The following CCDC7 variants were observed in gnomAD, a reference collection of about 807,000 sequenced individuals.
CCDC7 encodes coiled-coil domain-containing protein 7.
CCDC7 carries 183 observed loss-of-function variants against 196.9 expected under a neutral mutation model. That is an observed-to-expected ratio of 0.93 (90% CI 0.82 to 1.05). The LOEUF (loss-of-function observed/expected upper bound fraction) is 1.05, where lower values mean the gene tolerates loss of function less well. Among genes scored for constraint, CCDC7 ranks in the 50% least tolerant of loss-of-function variants. The pLI, the probability that CCDC7 is intolerant of heterozygous loss-of-function variation, is 0.00. For synonymous variants in CCDC7, 525 were observed against 484.6 expected (o/e 1.08, Z -1.10); for missense variants, 1,540 against 1,482.2 (o/e 1.04, Z -0.64).
chr10:32,456,689 A>G (rs940310053), intron 3 of CCDC7, among the ~76,000 whole-genome samples: 1 of 152,190 alleles, frequency 6.6e-6, no homozygotes, highest in African/African-American at 2.4e-5. Context: ...TGTGGCAATC[A>G]GCATCAAAGA....
intron 30 of CCDC7, among the ~76,000 whole-genome samples, chr10:32,811,862 T>C (rs953081461): frequency 2.0e-5 from 3 of 152,150 alleles, no homozygotes; most frequent in Non-Finnish European, 2.9e-5. Flanking sequence ...ATCAGGAAGA[T>C]AATGCACTGT....
chr10:32,522,170 T>A (rs1382118978), intron 11 of CCDC7, among the ~76,000 whole-genome samples: 1 of 152,222 alleles, frequency 6.6e-6, no homozygotes, highest in African/African-American at 2.4e-5. Context: ...AGATTTGATA[T>A]CAGGGTAATG....
chr10:32,702,570 A>G (rs2078943987), intron 24 of CCDC7, among the ~76,000 whole-genome samples: 1 of 152,092 alleles, frequency 6.6e-6, no homozygotes, highest in Non-Finnish European at 1.5e-5. Context: ...ATTCCTGGAT[A>G]TCCTTGTTGA....
chr10:32,759,621 G>T (rs1339792489), intron 28 of CCDC7, among the ~76,000 whole-genome samples: 3 of 152,180 alleles, frequency 2.0e-5, no homozygotes, highest in African/African-American at 7.2e-5. Context: ...TTACATGGTA[G>T]ACCTAATACC....
chr10:32,659,026 A>G (rs936804346), intron 20 of CCDC7, among the ~76,000 whole-genome samples: 3 of 151,928 alleles, frequency 2.0e-5, no homozygotes, highest in African/African-American at 7.3e-5. Context: ...TCTAGTCTCT[A>G]TTGCATTTAG....
At chr10:32,588,253 A>G (rs1360573986) in intron 18 of CCDC7, among the ~76,000 whole-genome samples, 2 of 152,244 alleles carry the variant, frequency 1.3e-5, no homozygotes, top group Admixed American at 6.5e-5. Flanking sequence ...ATAGCAATAG[A>G]AAATGGACTA....
intron 32 of CCDC7, among the ~76,000 whole-genome samples, chr10:32,834,088 A>G (rs1374411557): frequency 6.6e-6 from 1 of 152,142 alleles, no homozygotes; most frequent in Non-Finnish European, 1.5e-5. Context: ...AGTTCAAATC[A>G]TATCAAAACT....
intron 5 of CCDC7, among the ~76,000 whole-genome samples, chr10:32,468,102 A>AT (rs368484780): frequency 3.8e-4 from 58 of 151,910 alleles, no homozygotes; most frequent in African/African-American, 1.3e-3. Flanking sequence ...CTTAAAATAG[A>AT]TTTTTTCTAG....
At chr10:32,491,292 C>T (rs1488211364) in intron 8 of CCDC7, among the ~76,000 whole-genome samples, 1 of 152,136 alleles carries the variant, frequency 6.6e-6, no homozygotes, top group African/African-American at 2.4e-5. Context: ...TAGCAGAAAA[C>T]TTAGTGCAGG....
intron 18 of CCDC7, among the ~76,000 whole-genome samples, chr10:32,616,991 A>G (rs573530762): frequency 1.3e-5 from 2 of 150,332 alleles, no homozygotes; most frequent in African/African-American, 4.8e-5. Flanking sequence ...TCTGTTTGAG[A>G]GTTTTAGTTT....
chr10:32,551,183 G>C (rs1447360620), intron 13 of CCDC7, among the ~76,000 whole-genome samples: 1 of 152,050 alleles, frequency 6.6e-6, no homozygotes, highest in Non-Finnish European at 1.5e-5. Context: ...TAGTTTATGT[G>C]CATAAAAGTG....
intron 7 of CCDC7, among the ~76,000 whole-genome samples, chr10:32,472,932 A>G (rs1322428444): frequency 6.6e-6 from 1 of 152,204 alleles, no homozygotes; most frequent in Non-Finnish European, 1.5e-5. Flanking sequence ...GTGTATGAAC[A>G]TTTTGAGACT....
chr10:32,698,538 C>T (rs562199580), intron 24 of CCDC7, among the ~76,000 whole-genome samples: 2 of 151,984 alleles, frequency 1.3e-5, no homozygotes, highest in Non-Finnish European at 2.9e-5. Flanking sequence ...AACCATGGCA[C>T]GAGAACTATG....
intron 33 of CCDC7, among the ~76,000 whole-genome samples, chr10:32,836,448 G>C (rs193249985): frequency 1.3e-5 from 2 of 152,222 alleles, no homozygotes; most frequent in Admixed American, 6.5e-5. Context: ...GATCCTTGAG[G>C]AATCACCACA....
chr10:32,703,949 C>T (rs191410087), intron 24 of CCDC7, among the ~76,000 whole-genome samples: 15 of 151,980 alleles, frequency 9.9e-5, no homozygotes, highest in Non-Finnish European at 1.8e-4. Flanking sequence ...ACTTCTTTGC[C>T]ATGGGTTAGA....
intron 18 of CCDC7, among the ~76,000 whole-genome samples, chr10:32,595,479 T>C (rs952600663): frequency 6.6e-6 from 1 of 152,234 alleles, no homozygotes. Flanking sequence ...ATTTTGTTGA[T>C]CTTTTCAAAA....
At chr10:32,847,468 T>A (rs1237488908) in intron 37 of CCDC7, among the ~76,000 whole-genome samples, 1 of 152,104 alleles carries the variant, frequency 6.6e-6, no homozygotes, top group African/African-American at 2.4e-5. Context: ...GAAATTATTC[T>A]TAAGGAAGAA....
At chr10:32,528,943 A>G (rs2049188662) in intron 11 of CCDC7, among the ~76,000 whole-genome samples, 1 of 151,968 alleles carries the variant, frequency 6.6e-6, no homozygotes, top group African/African-American at 2.4e-5. Context: ...TCCTCTGGGT[A>G]GATACCCAGT....
chr10:32,714,948 G>T (rs1191186915), intron 25 of CCDC7, among the ~76,000 whole-genome samples: 2 of 152,226 alleles, frequency 1.3e-5, no homozygotes, highest in East Asian at 3.8e-4. Context: ...AGCATCTGGG[G>T]GAAGGGGTGG....
Sources: allele counts gnomAD v4.1 joint callset (sites outside exome capture counted in the v4.1 genomes callset), GRCh38; gene constraint gnomAD v4.1.1; transcripts MANE v1.5; gene names NCBI Gene and HGNC (gene_info 2026-07-23, HGNC 2026-07-21).